Variants in SPOPL observed in about 807,000 individuals in gnomAD.
SPOPL encodes the protein speckle-type POZ protein-like.
SPOPL carries 23 observed loss-of-function variants against 53.8 expected under a neutral mutation model. The observed-to-expected ratio is 0.43, with a 90% CI of 0.31 to 0.61. The LOEUF (loss-of-function observed/expected upper bound fraction) is 0.61. Among genes scored for constraint, SPOPL ranks in the 20% least tolerant of loss-of-function variants. SPOPL has a pLI of 0.12. For synonymous variants in SPOPL, 164 were observed against 149.7 expected (o/e 1.10, Z -0.70); for missense variants, 442 against 466.9 (o/e 0.95, Z 0.49).
intron 1 of SPOPL, among the ~76,000 whole-genome samples, chr2:138,527,977 G>C (rs916804823): frequency 1.2e-4 from 18 of 152,182 alleles, no homozygotes; most frequent in African/African-American, 4.3e-4. Context: ...GTGTGGGAGA[G>C]TGCTCTATTT....
chr2:138,560,924 C>T lies in SPOPL; in HGVS notation c.834C>T (p.Asp278=). The T allele has an allele frequency of 6.2e-7, 1 of 1,608,128 alleles. No homozygotes were observed. Among genetic ancestry groups the T allele is most frequent in the Admixed American group, 1.7e-5 (1 of 58,642 alleles). ...KMADNLLAAA[D]KYALERLKVM... ...CTGACAACTTGTTGGCAGCTGCAGA[C>T]AAAGTAAGTAATTAGGTCTTAAGGA... Residue 278 remains aspartate (D), a synonymous_variant, in exon 8 of 11, where the codon GAC becomes GAT. Transcript: ENST00000280098.
At chr2:138,539,714 G>C (rs568708833) in intron 1 of SPOPL, among the ~76,000 whole-genome samples, 2 of 152,264 alleles carry the variant, frequency 1.3e-5, no homozygotes, top group South Asian at 4.1e-4. Flanking sequence ...TGTTCACTCT[G>C]ATGGTAGTTT....
chr2:138,529,355 A>G (rs532490294), intron 1 of SPOPL, among the ~76,000 whole-genome samples: 1 of 152,290 alleles, frequency 6.6e-6, no homozygotes, highest in Admixed American at 6.5e-5. Flanking sequence ...GTGTACTTCT[A>G]TAAAGCCATA....
At position 138,545,730 on chromosome 2, in the gene SPOPL, C is replaced by T. The variant is rs1331066886; in HGVS notation, c.-60-4427C>T. On this transcript the variant is annotated intron_variant, in intron 1 of 10. Transcript: ENST00000280098. The stretch of plus-strand genomic sequence containing the variant: ...CTGGGATTACAGGCGTGAGCCACCG[C>T]GCCCGGCCAGCTGTTAAGTTTTTGA... Among the ~76,000 whole-genome samples the T allele has an allele frequency of 1.5e-4, 23 of 152,230 alleles. No individual in the cohort carries two copies. In the East Asian group the frequency reaches 2.5e-3, roughly 17 times the overall value.
chr2:138,540,551 A>G (rs1465602762), intron 1 of SPOPL, among the ~76,000 whole-genome samples: 2 of 151,598 alleles, frequency 1.3e-5, no homozygotes, highest in African/African-American at 4.8e-5. Context: ...TCTGTCTGTT[A>G]TTGGTGTATA....
chr2:138,555,167 T>TGC (rs1553471487), intron 5 of SPOPL, among the ~76,000 whole-genome samples: 1 of 145,582 alleles, frequency 6.9e-6, no homozygotes, highest in Admixed American at 6.8e-5. Flanking sequence ...TGTGTGTGTG[T>TGC]GTGCGAGCCA....
intron 1 of SPOPL, among the ~76,000 whole-genome samples, chr2:138,519,685 A>C (rs903762918): frequency 6.6e-6 from 1 of 152,278 alleles, no homozygotes; most frequent in South Asian, 2.1e-4. Flanking sequence ...TGCCAGCTAC[A>C]TGGGAGGCTG....
chr2:138,529,498 CTGTGTGTGTGTGTGTGTG>C (rs58483992), intron 1 of SPOPL, among the ~76,000 whole-genome samples: 10 of 147,694 alleles, frequency 6.8e-5, no homozygotes, highest in Admixed American at 4.7e-4. Flanking sequence ...ATGCATGTGC[CTGTGTGTGTGTGTGTGTG>C]TGTGTGTGTG....
rs1400400636 is a variant in SPOPL at position 138,570,449 on chromosome 2, T to C, written c.*1369T>C. 6.6e-6 allele frequency: 1 copy of C among 152,192 alleles called. No individual in the cohort carries two copies. Among genetic ancestry groups the C allele is most frequent in the African/African-American group, 2.4e-5 (1 of 41,456 alleles). 9.4% of individuals were successfully genotyped at this position (152,192 alleles called of 1,614,324 possible). A position where few individuals can be genotyped will look rare whatever the true frequency, so the allele number is the denominator to read the frequency against. ...GCTTTAAATGCATATACACGTTCAG[T>C]GTTTGATAGTTGTGTTCTTAAGGGA... On this transcript the variant is annotated 3_prime_UTR_variant, in exon 11 of 11. Transcript: ENST00000280098.
chr2:138,542,165 A>G (rs541330277), intron 1 of SPOPL, among the ~76,000 whole-genome samples: 13 of 152,272 alleles, frequency 8.5e-5, no homozygotes, highest in African/African-American at 2.9e-4. Context: ...CTAAGTGGTC[A>G]ATTTTGGAAT....
intron 1 of SPOPL, among the ~76,000 whole-genome samples, chr2:138,539,962 A>C (rs969828453): frequency 6.6e-6 from 1 of 152,196 alleles, no homozygotes; most frequent in Non-Finnish European, 1.5e-5. Context: ...CTTTCTACAT[A>C]TGGCTAGCCA....
At chr2:138,505,650 C>CTGTAGTCCCG (rs1684201437) in intron 1 of SPOPL, among the ~76,000 whole-genome samples, 1 of 149,382 alleles carries the variant, frequency 6.7e-6, no homozygotes. Context: ...TGGCACACAC[C>CTGTAGTCCCG]TGTAGTCCCG....
rs116176335 is a variant in SPOPL at position 138,516,014 on chromosome 2, A to G, written c.-61+13895A>G. Among the ~76,000 whole-genome samples, 736 of 152,280 alleles carry G rather than the reference A, an allele frequency of 4.8e-3. 3 individuals are homozygous for G. Among genetic ancestry groups the G allele is most frequent in the African/African-American group, 0.015 (641 of 41,546 alleles). ...GTCATTCATTATTTGTAAGATTTTT[A>G]TTTTGGAATAAACCTGTTTGATGGC... On this transcript the variant is annotated intron_variant, in intron 1 of 10. Transcript: ENST00000280098.
At chr2:138,539,436 G>A (rs1227514472) in intron 1 of SPOPL, among the ~76,000 whole-genome samples, 11 of 148,798 alleles carry the variant, frequency 7.4e-5, no homozygotes, top group African/African-American at 2.3e-4. Flanking sequence ...TTTAATGATC[G>A]CCATTCTAAC....
intron 1 of SPOPL, among the ~76,000 whole-genome samples, chr2:138,510,552 T>C (rs577061042): frequency 1.3e-5 from 2 of 152,326 alleles, no homozygotes; most frequent in South Asian, 4.1e-4. Context: ...TTCATCTATT[T>C]CTCTTTGCAA....
rs369924011 is a variant in SPOPL, at chr2:138,522,283, A to C, written c.-61+20164A>C. Among the ~76,000 whole-genome samples the C allele has an allele frequency of 4.6e-5, 7 of 152,332 alleles. No individual in the cohort carries two copies. The South Asian group carries it at 1.5e-3, about 32-fold the overall frequency. On this transcript the variant is annotated intron_variant, in intron 1 of 10. Transcript: ENST00000280098. ...TTTGACATACAAAAATGTCAGTGTC[A>C]TGTAATTCAACCTGATACAATTGAC...
intron 1 of SPOPL, among the ~76,000 whole-genome samples, chr2:138,546,233 A>AG (rs1258145500): frequency 6.6e-6 from 1 of 152,250 alleles, no homozygotes; most frequent in East Asian, 1.9e-4. Flanking sequence ...AAGTAAAAGT[A>AG]GGAAATATCA....
At chr2:138,529,963 C>A (rs1312158394) in intron 1 of SPOPL, among the ~76,000 whole-genome samples, 2 of 152,122 alleles carry the variant, frequency 1.3e-5, no homozygotes, top group African/African-American at 4.8e-5. Context: ...CTAATCCTCT[C>A]CCTCCTCCCA....
At chr2:138,519,725 A>G (rs1684517352) in intron 1 of SPOPL, among the ~76,000 whole-genome samples, 1 of 152,120 alleles carries the variant, frequency 6.6e-6, no homozygotes, top group African/African-American at 2.4e-5. Flanking sequence ...CTGGGAGGTC[A>G]AGGCTGAAGT....
Sources: allele counts gnomAD v4.1 joint callset (sites outside exome capture counted in the v4.1 genomes callset), GRCh38; gene constraint gnomAD v4.1.1; transcripts MANE v1.5; gene names NCBI Gene and HGNC (gene_info 2026-07-23, HGNC 2026-07-21).